Variants in RAPGEF2 observed in about 807,000 individuals in gnomAD.
RAPGEF2 encodes Rap guanine nucleotide exchange factor 2.
A neutral mutation model predicts 186.7 loss-of-function variants in RAPGEF2; 54 were observed. That is an observed-to-expected ratio of 0.29 (90% CI 0.23 to 0.36). RAPGEF2 has a LOEUF of 0.36. Among genes scored for constraint, RAPGEF2 ranks in the 10% least tolerant of loss-of-function variants. RAPGEF2 has a pLI of 1.00. For missense variants in RAPGEF2, 1,532 were observed against 2,045.0 expected (o/e 0.75, Z 4.84); for synonymous variants, 712 against 705.9 (o/e 1.01, Z -0.14).
intron 1 of RAPGEF2, among the ~76,000 whole-genome samples, chr4:159,117,796 G>T (rs1348316280): frequency 6.6e-6 from 1 of 151,978 alleles, no homozygotes; most frequent in Non-Finnish European, 1.5e-5. Context: ...ACAACACTGG[G>T]CATTGACATT....
At chr4:159,131,772 A>G (rs988851841) in intron 1 of RAPGEF2, among the ~76,000 whole-genome samples, 1 of 151,424 alleles carries the variant, frequency 6.6e-6, no homozygotes, top group Non-Finnish European at 1.5e-5. Flanking sequence ...TTTGTCAGAA[A>G]CAAAGACTTG....
chr4:159,119,401 C>A (rs1739418508), intron 1 of RAPGEF2, among the ~76,000 whole-genome samples: 1 of 152,140 alleles, frequency 6.6e-6, no homozygotes, highest in South Asian at 2.1e-4. Flanking sequence ...TGTCACATGG[C>A]TACTCTTGGC....
chr4:159,331,451 G>A lies in RAPGEF2; in HGVS notation c.1488G>A (p.Leu496=), dbSNP rs1200811704. The A allele has an allele frequency of 3.7e-6, 6 of 1,610,802 alleles. No homozygotes were observed. Among genetic ancestry groups the A allele is most frequent in the Admixed American group, 1.7e-5 (1 of 59,944 alleles). ...LRDKVTRVVL[L]WVNNHFNDFE... ...TTCAGGTTACACGGGTAGTATTATT[G>A]TGGGTAAATAATCACTTCAATGACT... Residue 496 remains leucine (L), a synonymous_variant, in exon 14 of 30, where the codon TTG becomes TTA. Coordinates refer to ENST00000691494, the MANE Select transcript of RAPGEF2 (RefSeq NM_001394067.2).
intron 7 of RAPGEF2, among the ~76,000 whole-genome samples, chr4:159,287,250 A>G (rs1760623704): frequency 6.6e-6 from 1 of 152,174 alleles, no homozygotes; most frequent in South Asian, 2.1e-4. Context: ...ATAAGTTAAG[A>G]TTAACACTGT....
chr4:159,293,015 A>G (rs1212784838), intron 7 of RAPGEF2, among the ~76,000 whole-genome samples: 1 of 152,168 alleles, frequency 6.6e-6, no homozygotes, highest in Non-Finnish European at 1.5e-5. Flanking sequence ...GATATGCTAG[A>G]TTTATCTCAA....
intron 7 of RAPGEF2, among the ~76,000 whole-genome samples, chr4:159,298,315 A>G (rs964379959): frequency 2.0e-5 from 3 of 152,208 alleles, no homozygotes; most frequent in African/African-American, 7.2e-5. Context: ...CTGATCTGAT[A>G]TATGAAGACT....
chr4:159,330,195 T>C, intron 12 of RAPGEF2, 139 bp from the exon 13 acceptor site: 3 of 816,654 alleles, frequency 3.7e-6, no homozygotes, highest in East Asian at 2.6e-5. Flanking sequence ...TACTATCCAA[T>C]TCATTTTATG....
chr4:159,283,305 C>G (rs895426812), intron 7 of RAPGEF2, among the ~76,000 whole-genome samples: 1 of 151,908 alleles, frequency 6.6e-6, no homozygotes, highest in Admixed American at 6.6e-5. Flanking sequence ...AAATAATTTT[C>G]CAATGTGTTC....
chr4:159,108,391 T>TC (rs1404843190), intron 1 of RAPGEF2, among the ~76,000 whole-genome samples: 1 of 150,542 alleles, frequency 6.6e-6, no homozygotes, highest in Admixed American at 6.6e-5. Flanking sequence ...TTCTTTTTTT[T>TC]TTTTTTTTTT....
At chr4:159,323,751 T>C in intron 11 of RAPGEF2, 134 bp downstream of exon 11, 4 of 454,776 alleles carry the variant, frequency 8.8e-6, no homozygotes, top group Non-Finnish European at 1.3e-5. Flanking sequence ...CAGAGTATTG[T>C]TCTGTCAGCC....
At position 159,193,251 on chromosome 4, in the gene RAPGEF2, A is replaced by G. The variant is rs978540979; in HGVS notation, c.192A>G (p.Leu64=). The change falls in exon 3 of 30, where the codon TTA becomes TTG. Residue 64 remains leucine, a synonymous_variant. Coordinates refer to ENST00000691494, the MANE Select transcript of RAPGEF2 (RefSeq NM_001394067.2). ...AGAGACACGAAGCAAATGAAGTTTT[A>G]TACTAGTAGGTGTTTCCTTTTTGTT... ...RYERHEANEV[L]YYPDDIGTCW... 6.7e-7 allele frequency: 1 copy of G among 1,496,056 alleles called. No individual in the cohort carries two copies. The highest frequency in any genetic ancestry group is 1.4e-5 in the African/African-American group (1 of 71,616). 92.7% of individuals were successfully genotyped at this position (1,496,056 alleles called of 1,614,324 possible).
chr4:159,341,493 A>G, intron 19 of RAPGEF2, 71 bp from the exon 20 acceptor site: 5 of 1,445,374 alleles, frequency 3.5e-6, no homozygotes, highest in Non-Finnish European at 4.7e-6. Context: ...AAAAAGTAGC[A>G]TTATTCTTTC....
At chr4:159,238,919 A>T (rs948578819) in intron 5 of RAPGEF2, 35 bp downstream of exon 5, 1 of 1,375,462 alleles carries the variant, frequency 7.3e-7, no homozygotes, top group South Asian at 1.7e-5. Flanking sequence ...TTTTTCCCCT[A>T]AAAAATTGTA....
intron 1 of RAPGEF2, among the ~76,000 whole-genome samples, chr4:159,163,490 G>A (rs1744939463): frequency 6.6e-6 from 1 of 152,148 alleles, no homozygotes; most frequent in African/African-American, 2.4e-5. Context: ...GAAAATTCAA[G>A]AGCACTCTAA....
rs70962664 is a variant in RAPGEF2 at position 159,219,347 on chromosome 4, C to CTTTT, written c.281+8787_281+8790dup. ...CAAGGGATAGTGTCCCAACTGTATC[C>CTTTT]TTTTTTTTTTTTTTTTTTTTTTTTT... On this transcript the variant is annotated intron_variant, in intron 4 of 29. Transcript: ENST00000691494. Among the ~76,000 whole-genome samples, 230 of 81,416 alleles carry CTTTT rather than the reference C, an allele frequency of 2.8e-3. 21 individuals are homozygous for CTTTT. Among genetic ancestry groups the CTTTT allele is most frequent in the African/African-American group, 0.012 (210 of 17,782 alleles). The allele number at this position is 81,416 out of a possible 152,430, so 53.4% of individuals were successfully genotyped here.
chr4:159,205,326 C>G (rs1411417576), intron 3 of RAPGEF2, among the ~76,000 whole-genome samples: 1 of 152,054 alleles, frequency 6.6e-6, no homozygotes, highest in Non-Finnish European at 1.5e-5. Flanking sequence ...CTGAGAACTA[C>G]TAGATAGAAT....
chr4:159,308,030 T>C (rs533226164), intron 8 of RAPGEF2, among the ~76,000 whole-genome samples: 1 of 152,354 alleles, frequency 6.6e-6, no homozygotes, highest in East Asian at 1.9e-4. Context: ...AGGGGAATTC[T>C]AGTCATATGT....
chr4:159,265,645 A>G (rs965447349), intron 7 of RAPGEF2, among the ~76,000 whole-genome samples: 1 of 152,158 alleles, frequency 6.6e-6, no homozygotes, highest in African/African-American at 2.4e-5. Flanking sequence ...TTTCATTTGT[A>G]AAAGGAGCTT....
At chr4:159,245,363 G>A (rs1754511216) in intron 7 of RAPGEF2, among the ~76,000 whole-genome samples, 1 of 151,902 alleles carries the variant, frequency 6.6e-6, no homozygotes, top group South Asian at 2.1e-4. Flanking sequence ...TAGAGATTGA[G>A]GCCGTATTTC....
Sources: gnomAD v4.1 joint callset for allele counts (sites outside exome capture counted in the v4.1 genomes callset) on GRCh38, gnomAD v4.1.1 for gene constraint, MANE v1.5 for transcripts, NCBI Gene and HGNC (gene_info 2026-07-23, HGNC 2026-07-21) for gene names.